Variants in EPHA6 observed in about 807,000 individuals in gnomAD.
EPHA6 encodes the protein ephrin type-A receptor 6.
EPHA6 carries 50 observed loss-of-function variants against 112.0 expected under a neutral mutation model. The observed-to-expected ratio is 0.45, with a 90% confidence interval of 0.36 to 0.56. The LOEUF is 0.56. Ranked by LOEUF, EPHA6 falls within the 20% of genes least tolerant of loss-of-function variation. EPHA6 has a pLI of 0.00. For missense variants in EPHA6, 1,280 were observed against 1,417.4 expected (o/e 0.90, Z 1.56); for synonymous variants, 529 against 490.7 (o/e 1.08, Z -1.03).
At chr3:97,705,337 G>T (rs2033618884) in intron 14 of EPHA6, among the ~76,000 whole-genome samples, 1 of 152,014 alleles carries the variant, frequency 6.6e-6, no homozygotes, top group Non-Finnish European at 1.5e-5. Context: ...TTCCAGCCTA[G>T]TCTTCATTTT....
chr3:97,490,113 AAAT>A (rs1257740710), intron 10 of EPHA6, among the ~76,000 whole-genome samples: 5 of 152,190 alleles, frequency 3.3e-5, no homozygotes, highest in African/African-American at 1.2e-4. Flanking sequence ...TAATTTAAAA[AAAT>A]AATGAGTAAA....
rs138525897 is a variant in EPHA6 at position 97,020,201 on chromosome 3, A to C, written c.1114+32208A>C. Among the ~76,000 whole-genome samples, 13 of 152,310 alleles carry C rather than the reference A, an allele frequency of 8.5e-5. No individual in the cohort carries two copies. In the East Asian group the frequency reaches 2.5e-3, roughly 29 times the overall value. On this transcript the variant is annotated intron_variant, in intron 3 of 17. Transcript: ENST00000389672. ...ACTGCAATGAAGATTGCAACCAGCC[A>C]AGATCCACAGACTGAAGCAGTTTCC...
At chr3:97,090,933 A>G (rs897832369) in intron 3 of EPHA6, among the ~76,000 whole-genome samples, 3 of 152,134 alleles carry the variant, frequency 2.0e-5, no homozygotes, top group African/African-American at 7.2e-5. Context: ...GTTGCAGTGA[A>G]TAAAAGAGTT....
At chr3:97,346,658 A>C (rs2083548268) in intron 5 of EPHA6, among the ~76,000 whole-genome samples, 1 of 144,774 alleles carries the variant, frequency 6.9e-6, no homozygotes, top group South Asian at 2.1e-4. Flanking sequence ...TGTATACATC[A>C]GATGTTCAAT....
rs556586873 is a variant in EPHA6, at chr3:97,158,978, C to A, written c.1115-67286C>A. 2.6e-5 allele frequency among the ~76,000 whole-genome samples: 4 copies of A among 152,198 alleles called. No homozygotes were observed. In the East Asian group the frequency reaches 7.7e-4, roughly 29 times the overall value. Reference sequence around the variant, plus strand: ...AAAAGGGGGAGGCAGGTTTGTGTGACCCAGTTCCCAGCTTGACTTTTCCCT... The same window carrying A: ...AAAAGGGGGAGGCAGGTTTGTGTGAACCAGTTCCCAGCTTGACTTTTCCCT... On this transcript the variant is annotated intron_variant, in intron 3 of 17. Transcript: ENST00000389672.
chr3:97,516,753 A>T (rs1371211711), intron 10 of EPHA6, among the ~76,000 whole-genome samples: 1 of 152,148 alleles, frequency 6.6e-6, no homozygotes, highest in African/African-American at 2.4e-5. Flanking sequence ...AATGGATTTT[A>T]TGCAGTTAAA....
intron 14 of EPHA6, among the ~76,000 whole-genome samples, chr3:97,641,580 GC>G (rs1442106634): frequency 6.6e-6 from 1 of 152,230 alleles, no homozygotes; most frequent in Admixed American, 6.5e-5. Context: ...GATAGTGGGT[GC>G]AGCGCACCAT....
At chr3:96,968,566 C>A (rs563110247) in intron 2 of EPHA6, among the ~76,000 whole-genome samples, 3 of 151,636 alleles carry the variant, frequency 2.0e-5, no homozygotes, top group African/African-American at 7.3e-5. Context: ...TAGGTACTTA[C>A]AATGAACCTA....
chr3:97,241,047 G>GA (rs2078831296), intron 4 of EPHA6, among the ~76,000 whole-genome samples: 1 of 151,608 alleles, frequency 6.6e-6, no homozygotes, highest in African/African-American at 2.4e-5. Context: ...CGGGACAGAT[G>GA]TTTTTCTGGT....
chr3:97,058,760 C>T (rs1000467230), intron 3 of EPHA6, among the ~76,000 whole-genome samples: 21 of 152,054 alleles, frequency 1.4e-4, no homozygotes, highest in Admixed American at 3.9e-4. Flanking sequence ...TATAAAGATC[C>T]GTGAATCAAT....
intron 6 of EPHA6, among the ~76,000 whole-genome samples, chr3:97,409,408 A>C (rs575970928): frequency 6.1e-4 from 93 of 152,230 alleles, no homozygotes; most frequent in African/African-American, 2.2e-3. Context: ...GGAAAATGTT[A>C]TTATTCTTCC....
intron 14 of EPHA6, among the ~76,000 whole-genome samples, chr3:97,700,557 T>C (rs1010804519): frequency 6.6e-6 from 1 of 152,188 alleles, no homozygotes; most frequent in African/African-American, 2.4e-5. Flanking sequence ...TATTCCGTAA[T>C]ATTTGTGTAA....
At chr3:97,549,261 C>T (rs1299092262) in intron 11 of EPHA6, among the ~76,000 whole-genome samples, 1 of 152,094 alleles carries the variant, frequency 6.6e-6, no homozygotes, top group Non-Finnish European at 1.5e-5. Context: ...TTCTCTTGTG[C>T]TTGATTTAAT....
intron 1 of EPHA6, among the ~76,000 whole-genome samples, chr3:96,848,156 A>G (rs1172256222): frequency 1.3e-5 from 2 of 152,056 alleles, no homozygotes; most frequent in Non-Finnish European, 2.9e-5. Context: ...ATTAATTTTA[A>G]TATGCTTGTT....
At chr3:97,655,216 T>G (rs2094131025) in intron 14 of EPHA6, among the ~76,000 whole-genome samples, 1 of 151,430 alleles carries the variant, frequency 6.6e-6, no homozygotes, top group Non-Finnish European at 1.5e-5. Context: ...AAAGAAATGA[T>G]TTACACAAGT....
Position 97,226,274 on chromosome 3 carries a change from A to G in EPHA6, c.1125A>G (p.Pro375=). 1.9e-6 allele frequency: 3 copies of G among 1,604,394 alleles called. No individual in the cohort carries two copies. The highest frequency in any genetic ancestry group is 2.5e-6 in the Non-Finnish European group (3 of 1,176,882). The change falls in exon 4 of 18, where the codon CCA becomes CCG. Residue 375 remains proline (P), a synonymous_variant. Transcript: ENST00000389672. Reference sequence around the variant, plus strand: ...TTTCTCTTTTTACAGCTTGCAGACCAGGATTCTATAAAGCTTTTGCTGGGA... The same window carrying G: ...TTTCTCTTTTTACAGCTTGCAGACCGGGATTCTATAAAGCTTTTGCTGGGA... ...EIEGSCHACR[P]GFYKAFAGNT...
chr3:97,109,939 T>C (rs1044521511), intron 3 of EPHA6, among the ~76,000 whole-genome samples: 2 of 152,106 alleles, frequency 1.3e-5, no homozygotes, highest in Admixed American at 6.6e-5. Flanking sequence ...CTGGGTTATA[T>C]GGGAGGCATC....
chr3:97,592,849 A>C, intron 12 of EPHA6, 112 bp downstream of exon 12: 1 of 1,199,132 alleles, frequency 8.3e-7, no homozygotes, highest in Non-Finnish European at 1.1e-6. Flanking sequence ...TGTGGAAAAG[A>C]AATGTAAGTG....
At chr3:97,367,615 TG>T (rs1195820452) in intron 5 of EPHA6, among the ~76,000 whole-genome samples, 1 of 152,010 alleles carries the variant, frequency 6.6e-6, no homozygotes, top group Non-Finnish European at 1.5e-5. Flanking sequence ...GAATAAGCCC[TG>T]TGGTTCCCCT....
Sources: gnomAD v4.1 joint callset for allele counts (sites outside exome capture counted in the v4.1 genomes callset) on GRCh38, gnomAD v4.1.1 for gene constraint, MANE v1.5 for transcripts, NCBI Gene and HGNC (gene_info 2026-07-23, HGNC 2026-07-21) for gene names.